Variants in PCDH7 observed in about 807,000 individuals in gnomAD.
The protein encoded by PCDH7 is protocadherin 7.
PCDH7 carries 17 observed loss-of-function variants against 58.9 expected under a neutral mutation model. That is an observed-to-expected ratio of 0.29 (90% CI 0.20 to 0.43). PCDH7 has a LOEUF of 0.43. Among genes scored for constraint, PCDH7 ranks in the 20% least tolerant of loss-of-function variants. PCDH7 has a pLI of 1.00. For synonymous variants in PCDH7, 664 were observed against 616.4 expected (o/e 1.08, Z -1.14); for missense variants, 1,274 against 1,441.0 (o/e 0.88, Z 1.88).
intron 3 of PCDH7, among the ~76,000 whole-genome samples, chr4:31,141,133 A>C (rs1238010652): frequency 1.3e-5 from 2 of 152,356 alleles, no homozygotes; most frequent in East Asian, 3.9e-4. Flanking sequence ...TCCTATACAA[A>C]TGTTAAACTA....
chr4:30,922,733 A>G (rs1045559187), intron 2 of PCDH7, among the ~76,000 whole-genome samples: 2 of 152,114 alleles, frequency 1.3e-5, no homozygotes, highest in Non-Finnish European at 2.9e-5. Context: ...TGTGACCAAC[A>G]CTTGAAAGTC....
intron 1 of PCDH7, among the ~76,000 whole-genome samples, chr4:30,755,019 A>G (rs1348202469): frequency 6.6e-6 from 1 of 152,148 alleles, no homozygotes; most frequent in Non-Finnish European, 1.5e-5. Context: ...TCACAGATGG[A>G]GAAACTGAGG....
In PCDH7 at chr4:31,022,977, A is replaced by G. The variant is rs1427439442; in HGVS notation, c.*7+72762A>G. 2.0e-5 allele frequency among the ~76,000 whole-genome samples: 3 copies of G among 152,228 alleles called. No homozygotes were observed. The East Asian group carries it at 5.8e-4, about 29-fold the overall frequency. ...AGAAACAGGAAATGGAAGTAACATA[A>G]TCAGGTAAATTATGCCAACTATCTT... On this transcript the variant is annotated intron_variant, in intron 3 of 3. Transcript: ENST00000509759.
At chr4:30,944,840 C>A (rs974967873) in intron 2 of PCDH7, among the ~76,000 whole-genome samples, 2 of 151,962 alleles carry the variant, frequency 1.3e-5, no homozygotes, top group Admixed American at 1.3e-4. Context: ...AACTAGGTAT[C>A]CAGGTAGGTT....
At chr4:30,762,156 G>A (rs1451589949) in intron 1 of PCDH7, among the ~76,000 whole-genome samples, 4 of 152,160 alleles carry the variant, frequency 2.6e-5, no homozygotes, top group Non-Finnish European at 4.4e-5. Context: ...CCTTGGAATG[G>A]AATGCTTGGG....
At chr4:30,779,097 T>G (rs905348199) in intron 1 of PCDH7, among the ~76,000 whole-genome samples, 8 of 140,670 alleles carry the variant, frequency 5.7e-5, no homozygotes, top group African/African-American at 2.1e-4. Flanking sequence ...CTCAGCTCAC[T>G]GCAACCTTTG....
Position 30,950,181 on chromosome 4 carries a change from A to G in PCDH7, c.351A>G (p.Arg117=), listed in dbSNP as rs1233941173. The stretch of plus-strand genomic sequence containing the variant: ...TTCCTCATGGCAAGACGCATGGAAG[A>G]AGAGTGCTGTTAAGGCCTCTCCATT... The change falls in exon 3 of 4, where the codon AGA becomes AGG. Residue 117 remains arginine, a synonymous_variant. Coordinates refer to the PCDH7 transcript ENST00000509759. The G allele has an allele frequency of 2.0e-5, 3 of 152,696 alleles. No homozygotes were observed. The East Asian group carries it at 5.8e-4, about 30-fold the overall frequency. The allele number at this position is 152,696 out of a possible 1,614,324, so 9.5% of individuals were successfully genotyped here. A position where few individuals can be genotyped will look rare whatever the true frequency, so the allele number is the denominator to read the frequency against.
chr4:30,973,236 G>T (rs1381926180), intron 3 of PCDH7, among the ~76,000 whole-genome samples: 3 of 152,178 alleles, frequency 2.0e-5, no homozygotes, highest in Admixed American at 2.0e-4. Flanking sequence ...TGAAAGGGAG[G>T]ATGAAAGGTA....
chr4:30,727,132 C>T (rs1269897317), intron 1 of PCDH7, among the ~76,000 whole-genome samples: 1 of 151,834 alleles, frequency 6.6e-6, no homozygotes, highest in Non-Finnish European at 1.5e-5. Context: ...CAATTCCATA[C>T]AGCAGGGTCT....
chr4:31,008,953 C>T (rs1752979207), intron 3 of PCDH7, among the ~76,000 whole-genome samples: 3 of 151,992 alleles, frequency 2.0e-5, no homozygotes, highest in Non-Finnish European at 4.4e-5. Context: ...CTACTACTGC[C>T]ACACTGTATG....
intron 1 of PCDH7, among the ~76,000 whole-genome samples, chr4:30,792,558 G>C (rs144552880): frequency 1.1e-3 from 173 of 152,066 alleles, no homozygotes; most frequent in African/African-American, 4.1e-3. Context: ...TTAAAATTAG[G>C]GTGATTCAAA....
chr4:30,911,175 G>A (rs917271093), intron 1 of PCDH7, among the ~76,000 whole-genome samples: 3 of 152,090 alleles, frequency 2.0e-5, no homozygotes, highest in Admixed American at 1.3e-4. Flanking sequence ...TGGGGGCAAG[G>A]GGAGGGAGAG....
At chr4:30,965,165 G>T (rs989841490) in intron 3 of PCDH7, among the ~76,000 whole-genome samples, 1 of 152,010 alleles carries the variant, frequency 6.6e-6, no homozygotes, top group Non-Finnish European at 1.5e-5. Context: ...GGTCTTTAAG[G>T]TATAGTAATT....
chr4:31,039,071 G>A (rs1001186322), intron 3 of PCDH7, among the ~76,000 whole-genome samples: 6 of 151,826 alleles, frequency 4.0e-5, no homozygotes, highest in African/African-American at 7.3e-5. Context: ...TTACTCAAAA[G>A]CAATGAAATA....
intron 1 of PCDH7, among the ~76,000 whole-genome samples, chr4:30,891,601 G>A (rs1284424346): frequency 1.3e-5 from 2 of 151,960 alleles, no homozygotes; most frequent in Non-Finnish European, 2.9e-5. Flanking sequence ...CAGTGTGTCT[G>A]ATCCAAATCC....
At chr4:30,994,081 T>TAGG (rs1560562572) in intron 3 of PCDH7, among the ~76,000 whole-genome samples, 1 of 151,772 alleles carries the variant, frequency 6.6e-6, no homozygotes, top group African/African-American at 2.4e-5. Context: ...AATAGTGGTG[T>TAGG]GGGCATCCTA....
chr4:31,120,763 C>T (rs1169332122), intron 3 of PCDH7, among the ~76,000 whole-genome samples: 4 of 152,114 alleles, frequency 2.6e-5, no homozygotes, highest in Middle Eastern at 6.8e-3. Context: ...CTCCGGGGGC[C>T]CTAGTTTAGC....
chr4:31,017,197 T>C (rs544077273), intron 3 of PCDH7, among the ~76,000 whole-genome samples: 1 of 152,358 alleles, frequency 6.6e-6, no homozygotes, highest in South Asian at 2.1e-4. Context: ...TGAATCTTAC[T>C]ATCTTCCAAA....
intron 3 of PCDH7, among the ~76,000 whole-genome samples, chr4:31,114,377 G>T (rs1040608217): frequency 8.6e-5 from 13 of 151,890 alleles, no homozygotes; most frequent in African/African-American, 3.1e-4. Flanking sequence ...TGACACTATG[G>T]TAACCTAGTA....
Sources: allele counts gnomAD v4.1 joint callset (sites outside exome capture counted in the v4.1 genomes callset), GRCh38; gene constraint gnomAD v4.1.1; transcripts MANE v1.5; gene names NCBI Gene and HGNC (gene_info 2026-07-23, HGNC 2026-07-21).